Variants in SLC35F3 observed in about 807,000 individuals in gnomAD.
SLC35F3 encodes the protein putative thiamine transporter SLC35F3.
In SLC35F3, 25 loss-of-function variants were observed where a neutral mutation model predicts 49.9. The ratio of observed to expected loss-of-function variants is 0.50; its 90% confidence interval spans 0.37 to 0.70. The LOEUF (loss-of-function observed/expected upper bound fraction) is 0.70, where lower values mean the gene tolerates loss of function less well. Among genes scored for constraint, SLC35F3 ranks in the 30% least tolerant of loss-of-function variants. The probability of loss-of-function intolerance (pLI) is 0.00; values close to 1 mark genes in which losing one functional copy is unlikely to be tolerated. For synonymous variants in SLC35F3, 275 were observed against 265.4 expected (o/e 1.04, Z -0.35); for missense variants, 525 against 639.8 (o/e 0.82, Z 1.94).
intron 4 of SLC35F3, among the ~76,000 whole-genome samples, chr1:234,313,687 C>A (rs78744334): frequency 6.6e-6 from 1 of 152,084 alleles, no homozygotes; most frequent in Non-Finnish European, 1.5e-5. Context: ...CACACCCACC[C>A]TTAGCACCTG....
At chr1:234,257,219 T>C (rs1033269871) in intron 3 of SLC35F3, among the ~76,000 whole-genome samples, 4 of 152,200 alleles carry the variant, frequency 2.6e-5, no homozygotes, top group Admixed American at 6.5e-5. Context: ...AAGAAAATGA[T>C]TTTTACATAA....
chr1:233,991,806 A>G (rs1401017762), intron 2 of SLC35F3, among the ~76,000 whole-genome samples: 2 of 152,136 alleles, frequency 1.3e-5, no homozygotes, highest in Non-Finnish European at 2.9e-5. Context: ...CATCATCATC[A>G]TCAGCATCAT....
rs74147423 is a variant in SLC35F3 at position 234,293,043 on chromosome 1, T to C, written c.609-16058T>C. Reference sequence around the variant, plus strand: ...GACTTATGATGTCTAAGACTCATTATCCGGTTCCCAAAAAGGGCACTCGAG... The same window carrying C: ...GACTTATGATGTCTAAGACTCATTACCCGGTTCCCAAAAAGGGCACTCGAG... On this transcript the variant is annotated intron_variant, in intron 3 of 7. Transcript: ENST00000366618. 6.1e-3 allele frequency among the ~76,000 whole-genome samples: 927 copies of C among 152,322 alleles called. 4 individuals carry two copies. The highest frequency in any genetic ancestry group is 0.021 in the African/African-American group (877 of 41,570).
chr1:233,955,187 T>C (rs1275978133), intron 2 of SLC35F3, among the ~76,000 whole-genome samples: 4 of 152,176 alleles, frequency 2.6e-5, no homozygotes, highest in African/African-American at 9.6e-5. Flanking sequence ...TTTCAGCCAT[T>C]GTTGGCTGGC....
intron 2 of SLC35F3, among the ~76,000 whole-genome samples, chr1:234,013,903 A>G (rs1352374482): frequency 6.6e-6 from 1 of 152,064 alleles, no homozygotes; most frequent in East Asian, 1.9e-4. Flanking sequence ...ATTCTGTCAA[A>G]TATTTTTAAA....
chr1:233,956,435 T>A (rs1662703615), intron 2 of SLC35F3, among the ~76,000 whole-genome samples: 1 of 152,186 alleles, frequency 6.6e-6, no homozygotes, highest in Non-Finnish European at 1.5e-5. Flanking sequence ...GGTATGGCCA[T>A]AAAACCATTT....
At chr1:234,222,980 G>C (rs1667231714) in intron 2 of SLC35F3, among the ~76,000 whole-genome samples, 1 of 152,170 alleles carries the variant, frequency 6.6e-6, no homozygotes, top group Non-Finnish European at 1.5e-5. Context: ...AGTGCATATG[G>C]ATTAAAACTG....
At chr1:233,978,461 G>A (rs546918255) in intron 2 of SLC35F3, among the ~76,000 whole-genome samples, 1 of 152,296 alleles carries the variant, frequency 6.6e-6, no homozygotes, top group South Asian at 2.1e-4. Context: ...AAAGAACCTG[G>A]TTGTTACCTA....
At chr1:234,001,651 C>T (rs548799009) in intron 2 of SLC35F3, among the ~76,000 whole-genome samples, 5 of 152,160 alleles carry the variant, frequency 3.3e-5, no homozygotes, top group South Asian at 2.1e-4. Flanking sequence ...GCAGTAGAGA[C>T]GTTATTACTG....
chr1:233,923,943 C>A (rs934441342), intron 2 of SLC35F3, among the ~76,000 whole-genome samples: 2 of 152,078 alleles, frequency 1.3e-5, no homozygotes, highest in Non-Finnish European at 2.9e-5. Context: ...TGATGGATTA[C>A]GTTTGTTGAT....
intron 2 of SLC35F3, among the ~76,000 whole-genome samples, chr1:234,179,831 C>T (rs1666530656): frequency 6.6e-6 from 1 of 152,174 alleles, no homozygotes; most frequent in South Asian, 2.1e-4. Flanking sequence ...CTGAGACTGA[C>T]AGCAAAAGCC....
intron 2 of SLC35F3, among the ~76,000 whole-genome samples, chr1:234,156,295 A>T (rs1471675657): frequency 6.6e-6 from 1 of 152,214 alleles, no homozygotes; most frequent in East Asian, 1.9e-4. Flanking sequence ...TTATTGGCGC[A>T]ATTACAAATT....
intron 2 of SLC35F3, among the ~76,000 whole-genome samples, chr1:234,101,055 C>G (rs1331516561): frequency 6.6e-6 from 1 of 152,028 alleles, no homozygotes; most frequent in Non-Finnish European, 1.5e-5. Flanking sequence ...TGGCCTCCTC[C>G]CATACCTTTC....
rs529205823 is a variant in SLC35F3 at position 234,011,041 on chromosome 1, G to A, written c.283+105283G>A. On this transcript the variant is annotated intron_variant, in intron 2 of 7. Coordinates refer to ENST00000366618, the MANE Select transcript of SLC35F3 (RefSeq NM_173508.4). Reference sequence around the variant, plus strand: ...GCTAATTCATATAAGCAAGAGTTAAGTTCCTATGGCATATTTCTGGTCACA... The same window carrying A: ...GCTAATTCATATAAGCAAGAGTTAAATTCCTATGGCATATTTCTGGTCACA... Among the ~76,000 whole-genome samples the A allele has an allele frequency of 2.6e-5, 4 of 152,260 alleles. No homozygotes were observed. In the East Asian group the frequency reaches 7.7e-4, roughly 29 times the overall value.
rs1664293970 is a variant in SLC35F3 at position 234,046,523 on chromosome 1, A to G, written c.283+140765A>G. 6.6e-6 allele frequency among the ~76,000 whole-genome samples: 1 copy of G among 152,086 alleles called. No homozygotes were observed. The highest frequency in any genetic ancestry group is 6.5e-5 in the Admixed American group (1 of 15,274). On this transcript the variant is annotated intron_variant, in intron 2 of 7. Coordinates refer to ENST00000366618, the MANE Select transcript of SLC35F3 (RefSeq NM_173508.4). This position sits in a 1 kb window ranked among gnomAD's most constrained non-coding sequence, Gnocchi z 4.4. ...GATAAATCCTTCGTCAATTATCTGT[A>G]TTGCAAAATCTCCCTTGCTGTGGTT... is the stretch of plus-strand genomic sequence containing the variant.
chr1:234,318,816 G>A lies in SLC35F3; in HGVS notation c.1020G>A (p.Leu340=). The A allele has an allele frequency of 6.2e-7, 1 of 1,614,138 alleles. No homozygotes were observed. Among genetic ancestry groups the A allele is most frequent in the East Asian group, 2.2e-5 (1 of 44,886 alleles). The change falls in exon 6 of 8, where the codon TTG becomes TTA. Residue 340 remains leucine, a synonymous_variant. Coordinates refer to ENST00000366618, the MANE Select transcript of SLC35F3 (RefSeq NM_173508.4). ...AAGCCGCCTTATTTTTGTCCATCTT[G>A]GGTGTGTTTAACATCCTCTTCATCA... ...FGEAALFLSI[L]GVFNILFITC...
intron 2 of SLC35F3, among the ~76,000 whole-genome samples, chr1:234,030,877 C>T (rs941742546): frequency 3.3e-5 from 5 of 152,140 alleles, no homozygotes; most frequent in African/African-American, 1.2e-4. Flanking sequence ...ATCGACATTG[C>T]TTGTGAAGTC....
chr1:234,315,231 C>T (rs1657459518), intron 4 of SLC35F3, among the ~76,000 whole-genome samples: 1 of 152,170 alleles, frequency 6.6e-6, no homozygotes, highest in African/African-American at 2.4e-5. Context: ...GGGGTGGATA[C>T]AGTATTATAT....
chr1:234,021,976 T>C (rs998889650), intron 2 of SLC35F3, among the ~76,000 whole-genome samples: 5 of 152,248 alleles, frequency 3.3e-5, no homozygotes, highest in Non-Finnish European at 5.9e-5. Context: ...TTGGTTGTTA[T>C]GTTGAATACA....
Sources: gnomAD v4.1 joint callset for allele counts (sites outside exome capture counted in the v4.1 genomes callset) on GRCh38, gnomAD v4.1.1 for gene constraint, Gnocchi (gnomAD v3.1) non-coding constraint, MANE v1.5 for transcripts, NCBI Gene and HGNC (gene_info 2026-07-23, HGNC 2026-07-21) for gene names.